Variants in TENM2 observed in about 807,000 individuals in gnomAD.
TENM2 encodes the protein teneurin-2.
A neutral mutation model predicts 245.2 loss-of-function variants in TENM2; 52 were observed. The ratio of observed to expected loss-of-function variants is 0.21; its 90% CI spans 0.17 to 0.27. The LOEUF is 0.27. Ranked by LOEUF, TENM2 falls within the 10% of genes least tolerant of loss-of-function variation. TENM2 has a pLI of 1.00. For missense variants in TENM2, 3,046 were observed against 3,666.8 expected (o/e 0.83, Z 4.37); for synonymous variants, 1,363 against 1,438.9 (o/e 0.95, Z 1.19).
chr5:168,228,902 A>T (rs997178876), intron 25 of TENM2, among the ~76,000 whole-genome samples: 2 of 147,988 alleles, frequency 1.4e-5, no homozygotes, highest in Non-Finnish European at 3.0e-5. Flanking sequence ...TTACATTTTT[A>T]TATTATAATG....
At chr5:167,198,191 C>T in the TENM2 span, among the ~76,000 whole-genome samples, 1 of 152,008 alleles carries the variant, frequency 6.6e-6, no homozygotes, top group South Asian at 2.1e-4. Context: ...GCCAGTCACT[C>T]CTCAATTCCT....
At chr5:167,590,982 T>C (rs933443630) in intron 2 of TENM2, among the ~76,000 whole-genome samples, 2 of 152,228 alleles carry the variant, frequency 1.3e-5, no homozygotes, top group Non-Finnish European at 2.9e-5. Flanking sequence ...GCCAAGTTCA[T>C]CTTTTGAAAT....
At chr5:167,056,826 C>G in the TENM2 span, among the ~76,000 whole-genome samples, 1 of 150,442 alleles carries the variant, frequency 6.6e-6, no homozygotes, top group Non-Finnish European at 1.5e-5. Context: ...TTTCATTTAT[C>G]CTGGTTGGTG....
chr5:168,033,996 C>G (rs928115432), intron 5 of TENM2, among the ~76,000 whole-genome samples: 2 of 149,464 alleles, frequency 1.3e-5, no homozygotes, highest in African/African-American at 5.0e-5. Flanking sequence ...CACTGCACTC[C>G]AGCCTGAGCA....
At chr5:167,049,073 A>T in the TENM2 span, among the ~76,000 whole-genome samples, 84 of 152,332 alleles carry the variant, frequency 5.5e-4, 1 homozygote, top group African/African-American at 1.9e-3. Flanking sequence ...CACTGTAAGT[A>T]CCTGTAGTGA....
In TENM2 at chr5:167,284,946, C is replaced by G; in HGVS notation, c.109C>G (p.Gln37Glu). ...CAGTGAGGACTGCCGCGTGCCCACA[C>G]AGAAATCCTACAGCTCCAGTGAGAC... Residue 37 changes from glutamine (Q) to glutamate (E), a missense_variant, in exon 1 of 29, where the codon CAG becomes GAG. Gln to Glu is a conservative substitution (Grantham distance 29). Transcript: ENST00000518659. 6.4e-7 allele frequency: 1 copy of G among 1,551,838 alleles called. No homozygotes were observed. The highest frequency in any genetic ancestry group is 8.7e-7 in the Non-Finnish European group (1 of 1,147,020).
At chr5:168,042,048 C>G (rs958447313) in intron 5 of TENM2, among the ~76,000 whole-genome samples, 3 of 152,124 alleles carry the variant, frequency 2.0e-5, no homozygotes, top group Non-Finnish European at 4.4e-5. Flanking sequence ...CCAGGAGCCC[C>G]GACATTGTTG....
chr5:167,001,271 A>G, the TENM2 span, among the ~76,000 whole-genome samples: 1 of 152,280 alleles, frequency 6.6e-6, no homozygotes, highest in East Asian at 1.9e-4. Flanking sequence ...TAATGGAAAG[A>G]AAATTACCTC....
chr5:168,185,840 T>C (rs375074048), intron 13 of TENM2, among the ~76,000 whole-genome samples: 6 of 147,748 alleles, frequency 4.1e-5, no homozygotes, highest in Admixed American at 6.8e-5. Flanking sequence ...TTTTTTAAAA[T>C]GAAAAAGTGG....
chr5:168,224,868 T>C (rs1207397992), intron 23 of TENM2, among the ~76,000 whole-genome samples: 4 of 152,318 alleles, frequency 2.6e-5, no homozygotes, highest in African/African-American at 9.6e-5. Flanking sequence ...CCTGCTTTCC[T>C]TTCCTGGGTG....
At chr5:167,491,469 T>C (rs1444312236) in intron 2 of TENM2, among the ~76,000 whole-genome samples, 1 of 152,146 alleles carries the variant, frequency 6.6e-6, no homozygotes, top group Non-Finnish European at 1.5e-5. Flanking sequence ...TCAGTTTTTA[T>C]AGTGATCCAC....
At chr5:167,691,726 G>A (rs1183476564) in intron 2 of TENM2, among the ~76,000 whole-genome samples, 2 of 152,148 alleles carry the variant, frequency 1.3e-5, no homozygotes, top group African/African-American at 2.4e-5. Context: ...GGGAAGAGAC[G>A]CTGTGGCTCC....
At chr5:167,982,113 C>T (rs557809384) in intron 4 of TENM2, among the ~76,000 whole-genome samples, 10 of 152,286 alleles carry the variant, frequency 6.6e-5, no homozygotes, top group South Asian at 4.1e-4. Context: ...TCAAAAATTC[C>T]GTCTTTCCCA....
At chr5:167,316,694 TC>T (rs1756384019) in intron 1 of TENM2, among the ~76,000 whole-genome samples, 2 of 152,206 alleles carry the variant, frequency 1.3e-5, no homozygotes, top group Admixed American at 6.5e-5. Context: ...TAGAGGATAT[TC>T]CCTTGAGTAC....
At chr5:167,228,784 A>T in the TENM2 span, among the ~76,000 whole-genome samples, 1 of 151,598 alleles carries the variant, frequency 6.6e-6, no homozygotes, top group African/African-American at 2.4e-5. Context: ...GGCTCACTGC[A>T]AGCTCCGCCT....
the TENM2 span, among the ~76,000 whole-genome samples, chr5:167,237,926 C>T: frequency 1.4e-5 from 2 of 146,086 alleles, no homozygotes; most frequent in African/African-American, 2.6e-5. Context: ...CAGAGAATTG[C>T]TTGAACCCAG....
the TENM2 span, among the ~76,000 whole-genome samples, chr5:167,099,966 A>G: frequency 6.6e-6 from 1 of 152,062 alleles, no homozygotes; most frequent in Non-Finnish European, 1.5e-5. Flanking sequence ...AGTCCTTTTG[A>G]GGTTTCCTTG....
chr5:168,143,264 C>CT (rs35494533), intron 12 of TENM2, among the ~76,000 whole-genome samples: 8,493 of 144,314 alleles, frequency 0.059, 748 homozygotes, highest in African/African-American at 0.19. Context: ...AAGTCTTACT[C>CT]TTTTTTTTTT....
the TENM2 span, among the ~76,000 whole-genome samples, chr5:167,163,583 G>A: frequency 2.2e-4 from 33 of 152,140 alleles, 1 homozygote; most frequent in South Asian, 4.8e-3. Context: ...TCCTTTACAC[G>A]CTGCTTTGCT....
Sources: allele counts gnomAD v4.1 joint callset (sites outside exome capture counted in the v4.1 genomes callset), GRCh38; gene constraint gnomAD v4.1.1; transcripts MANE v1.5; gene names NCBI Gene and HGNC (gene_info 2026-07-23, HGNC 2026-07-21).